Variants in ADAM23 observed in about 807,000 individuals in gnomAD.
ADAM23 encodes disintegrin and metalloproteinase domain-containing protein 23.
ADAM23 carries 33 observed loss-of-function variants against 120.1 expected under a neutral mutation model. The ratio of observed to expected loss-of-function variants is 0.27; its 90% CI spans 0.21 to 0.37. ADAM23 has a LOEUF of 0.37. ADAM23 is among the 10% of genes least tolerant of loss of function. The pLI, the probability that ADAM23 is intolerant of heterozygous loss-of-function variation, is 1.00. For missense variants in ADAM23, 862 were observed against 1,058.2 expected (o/e 0.81, Z 2.57); for synonymous variants, 367 against 375.2 (o/e 0.98, Z 0.25).
chr2:206,489,241 C>T (rs948484669), intron 3 of ADAM23, among the ~76,000 whole-genome samples: 1 of 152,158 alleles, frequency 6.6e-6, no homozygotes, highest in Non-Finnish European at 1.5e-5. Context: ...TTTGTGATTC[C>T]TGAATCCAGA....
chr2:206,530,893 T>C lies in ADAM23; in HGVS notation c.518T>C (p.Leu173Ser). ...TTTTCTTTCCTTTGTAGTGGTTTGTTGTCTTCTGATTATGTGGAGATTCAC... is the reference window on the plus strand; with the variant it reads ...TTTTCTTTCCTTTGTAGTGGTTTGTCGTCTTCTGATTATGTGGAGATTCAC... ...ILDLILNNGL[L>S]SSDYVEIHYE... Residue 173 changes from leucine to serine, a missense_variant, in exon 4 of 26, where the codon TTG (leucine) becomes TCG (serine). By Grantham distance (145) the Leu-to-Ser change is moderately radical. Around this residue, in one of 4 missense-constraint regions of ADAM23, gnomAD observed 617 missense variants for 813.5 expected, o/e 0.76. Transcript: ENST00000264377. 6.2e-7 allele frequency: 1 copy of C among 1,613,946 alleles called. No individual in the cohort carries two copies. Among genetic ancestry groups the C allele is most frequent in the Non-Finnish European group, 8.5e-7 (1 of 1,179,898 alleles).
At chr2:206,581,646 G>T (rs537421110) in intron 18 of ADAM23, among the ~76,000 whole-genome samples, 1 of 152,210 alleles carries the variant, frequency 6.6e-6, no homozygotes, top group Non-Finnish European at 1.5e-5. Flanking sequence ...CTATCATATG[G>T]TCTATCTTGG....
intron 25 of ADAM23, 143 bp downstream of exon 25, chr2:206,610,143 GT>G: frequency 1.4e-6 from 1 of 697,008 alleles, no homozygotes; most frequent in Non-Finnish European, 2.2e-6. Context: ...TCAGAAATGG[GT>G]TAGAAATGAA....
At chr2:206,499,265 G>A (rs1292139305) in intron 3 of ADAM23, among the ~76,000 whole-genome samples, 1 of 152,024 alleles carries the variant, frequency 6.6e-6, no homozygotes, top group Non-Finnish European at 1.5e-5. Context: ...AACAATGATA[G>A]ACTGGATTAA....
chr2:206,575,159 A>G (rs1305221966), intron 18 of ADAM23, among the ~76,000 whole-genome samples: 2 of 152,214 alleles, frequency 1.3e-5, no homozygotes, highest in East Asian at 3.8e-4. Flanking sequence ...TTGTCAGTAA[A>G]TAGTGAGTAC....
At chr2:206,473,573 A>AATAATAAT (rs1180238743) in intron 2 of ADAM23, among the ~76,000 whole-genome samples, 233 of 95,736 alleles carry the variant, frequency 2.4e-3, no homozygotes, top group Non-Finnish European at 3.8e-3. Flanking sequence ...CCATCTCTAA[A>AATAATAAT]ATAATAATAA....
chr2:206,554,678 GAGACTAGAAGGATT>G (rs1697605565), intron 9 of ADAM23, among the ~76,000 whole-genome samples: 2 of 152,048 alleles, frequency 1.3e-5, no homozygotes, highest in African/African-American at 2.4e-5. Flanking sequence ...CCTCAACCTA[GAGACTAGAAGGATT>G]TAAATTCTAG....
intron 25 of ADAM23, among the ~76,000 whole-genome samples, chr2:206,613,217 G>A (rs907200293): frequency 2.0e-5 from 3 of 151,990 alleles, no homozygotes; most frequent in Admixed American, 6.5e-5. Flanking sequence ...GCGCCACCAC[G>A]CCCAGCTAAT....
intron 2 of ADAM23, among the ~76,000 whole-genome samples, chr2:206,467,304 A>G (rs1188232454): frequency 6.6e-6 from 1 of 152,188 alleles, no homozygotes; most frequent in Admixed American, 6.5e-5. Context: ...CTATGCACCT[A>G]TAAAATCAAA....
chr2:206,537,123 A>G (rs1697192518), intron 4 of ADAM23, among the ~76,000 whole-genome samples: 1 of 152,142 alleles, frequency 6.6e-6, no homozygotes, highest in South Asian at 2.1e-4. Context: ...CAGTGAACCA[A>G]ACAGATAAAG....
intron 12 of ADAM23, among the ~76,000 whole-genome samples, chr2:206,561,759 A>G (rs1697772766): frequency 6.6e-6 from 1 of 152,224 alleles, no homozygotes; most frequent in Non-Finnish European, 1.5e-5. Flanking sequence ...AGCATAACCA[A>G]TTATATCTAA....
At chr2:206,469,491 A>G (rs187161610) in intron 2 of ADAM23, among the ~76,000 whole-genome samples, 2 of 152,130 alleles carry the variant, frequency 1.3e-5, no homozygotes, top group African/African-American at 4.8e-5. Context: ...TCCTACCTGG[A>G]TTATTTTGCA....
chr2:206,552,303 T>C (rs563988229), intron 9 of ADAM23, among the ~76,000 whole-genome samples: 1 of 152,182 alleles, frequency 6.6e-6, no homozygotes, highest in Non-Finnish European at 1.5e-5. Flanking sequence ...TGTTCTACCA[T>C]AATATATCAG....
intron 3 of ADAM23, among the ~76,000 whole-genome samples, chr2:206,520,597 A>G (rs1696822703): frequency 6.6e-6 from 1 of 152,084 alleles, no homozygotes; most frequent in Non-Finnish European, 1.5e-5. Context: ...TTAAAGCCAC[A>G]GGTTTTCATA....
In ADAM23 at chr2:206,504,940, G is replaced by T. The variant is rs185931725; in HGVS notation, c.509+23632G>T. On this transcript the variant is annotated intron_variant, in intron 3 of 25. Transcript: ENST00000264377. ...TATTTCAGAATATTTAAATAGTAAA[G>T]ATTAAGTAAAAAGAAGAATAAGTAT... Among the ~76,000 whole-genome samples the T allele has an allele frequency of 2.9e-3, 446 of 152,272 alleles. 1 individual carries two copies. The highest frequency in any genetic ancestry group is 4.6e-3 in the Non-Finnish European group (315 of 68,022).
intron 22 of ADAM23, 106 bp from the exon 23 acceptor site, chr2:206,594,631 C>G: frequency 7.8e-7 from 1 of 1,274,828 alleles, no homozygotes; most frequent in Admixed American, 2.1e-5. Context: ...AGGAGAAATC[C>G]ACATCCACTG....
intron 18 of ADAM23, 66 bp downstream of exon 18, chr2:206,573,261 G>A: frequency 6.9e-7 from 1 of 1,444,296 alleles, no homozygotes; most frequent in Middle Eastern, 1.7e-4. Flanking sequence ...TTACCACAGT[G>A]CTTGGGGCCA....
chr2:206,616,829 T>A (rs1206250983), intron 25 of ADAM23, among the ~76,000 whole-genome samples: 1 of 152,182 alleles, frequency 6.6e-6, no homozygotes, highest in Non-Finnish European at 1.5e-5. Context: ...CTTTTACTGT[T>A]GCCTTGTAGT....
At chr2:206,475,543 T>A (rs1436165879) in intron 2 of ADAM23, among the ~76,000 whole-genome samples, 1 of 151,588 alleles carries the variant, frequency 6.6e-6, no homozygotes, top group African/African-American at 2.4e-5. Flanking sequence ...TTTAATTATC[T>A]GGGATGCTGG....
Sources: gnomAD v4.1 joint callset for allele counts (sites outside exome capture counted in the v4.1 genomes callset) on GRCh38, gnomAD v4.1.1 for gene constraint, gnomAD v4.1.1 regional missense constraint, MANE v1.5 for transcripts, NCBI Gene and HGNC (gene_info 2026-07-23, HGNC 2026-07-21) for gene names.